The following DENND1A variants were observed in gnomAD, a reference collection of about 807,000 sequenced individuals.
DENND1A encodes the protein DENN domain containing 1A.
A neutral mutation model predicts 113.7 loss-of-function variants in DENND1A; 51 were observed. The ratio of observed to expected loss-of-function variants is 0.45; its 90% CI spans 0.36 to 0.57. The LOEUF is 0.57. DENND1A is among the 20% of genes least tolerant of loss of function. The pLI is 0.00. For missense variants in DENND1A, 1,258 were observed against 1,395.9 expected, an observed-to-expected ratio of 0.90 and a Z score of 1.57; for synonymous variants, 565 against 570.8, an observed-to-expected ratio of 0.99 and a Z score of 0.14.
At chr9:123,898,246 T>C (rs559088786) in intron 1 of DENND1A, among the ~76,000 whole-genome samples, 2 of 152,334 alleles carry the variant, frequency 1.3e-5, no homozygotes, top group East Asian at 3.9e-4. Context: ...TTTAATACTC[T>C]TTTCAAATCT....
At chr9:123,760,858 G>A (rs1226970647) in intron 4 of DENND1A, among the ~76,000 whole-genome samples, 1 of 152,142 alleles carries the variant, frequency 6.6e-6, no homozygotes, top group African/African-American at 2.4e-5. Flanking sequence ...AAAGCAACAG[G>A]TCTGGATGAT....
rs1270358479 is a variant in DENND1A, at chr9:123,381,398, G to A, written c.*34C>T. 6.3e-7 allele frequency: 1 copy of A among 1,599,812 alleles called. No homozygotes were observed. The highest frequency in any genetic ancestry group is 2.2e-5 in the East Asian group (1 of 44,804). On this transcript the variant is annotated 3_prime_UTR_variant, in exon 24 of 24. Transcript: ENST00000394215. This position sits in a 1 kb window ranked among gnomAD's most constrained non-coding sequence, Gnocchi z 4.7. ...AACCGCAGCAGTGGACGGACCCTCG[G>A]GCCTCGGTGCATCCCCCACCCTCAG...
chr9:123,557,941 G>C (rs762034687), intron 12 of DENND1A, among the ~76,000 whole-genome samples: 5 of 151,672 alleles, frequency 3.3e-5, no homozygotes, highest in Non-Finnish European at 7.4e-5. Flanking sequence ...ACAGTGAGCC[G>C]AGATTGCGCC....
intron 1 of DENND1A, among the ~76,000 whole-genome samples, chr9:123,879,510 G>A (rs1218716754): frequency 6.6e-6 from 1 of 151,962 alleles, no homozygotes; most frequent in African/African-American, 2.4e-5. Flanking sequence ...TCCAGCCTGG[G>A]TAACAGAGTG....
At chr9:123,681,795 T>C (rs1271106974) in intron 5 of DENND1A, among the ~76,000 whole-genome samples, 1 of 152,112 alleles carries the variant, frequency 6.6e-6, no homozygotes, top group Admixed American at 6.5e-5. Context: ...CCAATTATAA[T>C]GAGCACACTT....
At chr9:123,487,515 C>CT (rs2050992613) in intron 13 of DENND1A, among the ~76,000 whole-genome samples, 1 of 152,368 alleles carries the variant, frequency 6.6e-6, no homozygotes, top group South Asian at 2.1e-4. Flanking sequence ...AGGCTACTCT[C>CT]AGACCAATGC....
rs192695965 is a variant in DENND1A at position 123,917,971 on chromosome 9, G to A, written c.17+11918C>T. ...TAAAAATACAAAAAAAAAATTAGCC[G>A]GGCGTGGTGGCGGGCACCTGTAGTC... On this transcript the variant is annotated intron_variant, in intron 1 of 23. Coordinates refer to ENST00000394215, the MANE Select transcript of DENND1A (RefSeq NM_001352964.2). 1.5e-4 allele frequency among the ~76,000 whole-genome samples: 22 copies of A among 150,978 alleles called. 1 individual carries two copies. Among genetic ancestry groups the A allele is most frequent in the Admixed American group, 1.2e-3 (18 of 15,062 alleles).
chr9:123,877,493 A>T (rs966996495), intron 2 of DENND1A, among the ~76,000 whole-genome samples: 1 of 151,350 alleles, frequency 6.6e-6, no homozygotes, highest in Non-Finnish European at 1.5e-5. Flanking sequence ...CGTCTCAAAA[A>T]TAATAATAAT....
At chr9:123,632,307 G>A (rs938351000) in intron 9 of DENND1A, among the ~76,000 whole-genome samples, 3 of 152,096 alleles carry the variant, frequency 2.0e-5, no homozygotes, top group Admixed American at 2.0e-4. Flanking sequence ...CCCCGTCAAG[G>A]CTCGCAGGTT....
Position 123,381,700 on chromosome 9 carries a change from ATCC to A in DENND1A, c.2942_2944del (p.Arg981del). On this transcript the variant is annotated inframe_deletion, in exon 24 of 24. Transcript: ENST00000394215. This position sits in a 1 kb window ranked among gnomAD's most constrained non-coding sequence, Gnocchi z 4.7. ...TGAGCGGGCCAGGGGCAACGTTCGG[ATCC>A]TCGACGGGGCAACTGCTGGGGGACC... is the stretch of plus-strand genomic sequence containing the variant. The A allele has an allele frequency of 6.4e-7, 1 of 1,556,430 alleles. No individual in the cohort carries two copies. The highest frequency in any genetic ancestry group is 1.4e-5 in the African/African-American group (1 of 73,304).
intron 5 of DENND1A, among the ~76,000 whole-genome samples, chr9:123,718,279 C>G (rs1589795129): frequency 6.6e-6 from 1 of 152,068 alleles, no homozygotes; most frequent in Non-Finnish European, 1.5e-5. Context: ...CACCCAGGGC[C>G]AAAGGGTTAA....
intron 17 of DENND1A, 139 bp downstream of exon 17, chr9:123,452,137 T>A: frequency 1.4e-6 from 1 of 731,680 alleles, no homozygotes. Flanking sequence ...AAGGCCTCAG[T>A]GAGCTGTGAT....
chr9:123,412,849 C>A (rs1401524113), intron 19 of DENND1A, among the ~76,000 whole-genome samples: 1 of 152,210 alleles, frequency 6.6e-6, no homozygotes, highest in African/African-American at 2.4e-5. Context: ...ATACATCTAA[C>A]TGGACCAAAT....
intron 12 of DENND1A, among the ~76,000 whole-genome samples, chr9:123,574,881 T>C (rs769150710): frequency 2.6e-5 from 4 of 152,210 alleles, no homozygotes; most frequent in Non-Finnish European, 5.9e-5. Flanking sequence ...AGCACATTAG[T>C]ATTAACTAAA....
intron 3 of DENND1A, among the ~76,000 whole-genome samples, chr9:123,778,339 C>G (rs772709330): frequency 1.3e-5 from 2 of 152,176 alleles, no homozygotes; most frequent in Non-Finnish European, 2.9e-5. Context: ...AAACATCATA[C>G]AGTACAGAAG....
At chr9:123,776,466 C>T (rs1830489644) in intron 3 of DENND1A, among the ~76,000 whole-genome samples, 1 of 152,094 alleles carries the variant, frequency 6.6e-6, no homozygotes, top group African/African-American at 2.4e-5. Context: ...TCATGGGTGG[C>T]TATACTTTTA....
chr9:123,590,397 T>C (rs1385578934), intron 11 of DENND1A, among the ~76,000 whole-genome samples: 1 of 152,098 alleles, frequency 6.6e-6, no homozygotes, highest in South Asian at 2.1e-4. Context: ...AGAACATAGA[T>C]CCAAAGCCAG....
chr9:123,475,986 C>G (rs750501231), intron 13 of DENND1A, among the ~76,000 whole-genome samples: 3 of 152,136 alleles, frequency 2.0e-5, no homozygotes, highest in Non-Finnish European at 4.4e-5. Flanking sequence ...GAGTTCAAGA[C>G]CAGCCTGGCC....
At chr9:123,521,918 G>T (rs1362548824) in intron 13 of DENND1A, among the ~76,000 whole-genome samples, 2 of 152,196 alleles carry the variant, frequency 1.3e-5, no homozygotes, top group Admixed American at 1.3e-4. Flanking sequence ...CGCATGGGAA[G>T]TGTCTAGTAC....
Sources: gnomAD v4.1 joint callset for allele counts (sites outside exome capture counted in the v4.1 genomes callset) on GRCh38, gnomAD v4.1.1 for gene constraint, Gnocchi (gnomAD v3.1) non-coding constraint, MANE v1.5 for transcripts, NCBI Gene and HGNC (gene_info 2026-07-23, HGNC 2026-07-21) for gene names.